Variants in ZIC1 observed in about 807,000 individuals in gnomAD.
The protein encoded by ZIC1 is zinc finger protein ZIC 1.
In ZIC1, 4 loss-of-function variants were observed where a neutral mutation model predicts 30.9. The ratio of observed to expected loss-of-function variants is 0.13; its 90% CI spans 0.06 to 0.30. ZIC1 has a LOEUF of 0.30. ZIC1 is among the 10% of genes least tolerant of loss of function. The probability of loss-of-function intolerance (pLI) is 1.00; values close to 1 mark genes in which losing one functional copy is unlikely to be tolerated. For synonymous variants in ZIC1, 305 were observed against 277.5 expected (o/e 1.10, Z -0.98); for missense variants, 441 against 639.3 (o/e 0.69, Z 3.34).
intron 2 of ZIC1, 48 bp from the exon 3 acceptor site, chr3:147,413,306 G>A (rs2087398734): frequency 1.9e-6 from 3 of 1,578,272 alleles, no homozygotes; most frequent in Non-Finnish European, 2.6e-6. Flanking sequence ...CTAGTCGGCC[G>A]CCGCACTGGC....
rs564890374 is a variant in ZIC1 at position 147,415,764 on chromosome 3, G to A, written c.*2213G>A. The stretch of plus-strand genomic sequence containing the variant: ...CCTTAAGATACATCTATTTTAAAGT[G>A]AAATTAATTTTTCAGTTTATACCAT... On this transcript the variant is annotated 3_prime_UTR_variant, in exon 3 of 3. Transcript: ENST00000282928. The A allele has an allele frequency of 6.6e-6, 1 of 152,282 alleles. No homozygotes were observed. The highest frequency in any genetic ancestry group is 2.4e-5 in the African/African-American group (1 of 41,564). 9.4% of individuals were successfully genotyped at this position (152,282 alleles called of 1,614,324 possible). A position where few individuals can be genotyped will look rare whatever the true frequency, so the allele number is the denominator to read the frequency against.
In ZIC1 at chr3:147,410,439, C is replaced by CGCG. The variant is rs758690127; in HGVS notation, c.336_338dup (p.Ala114dup). On this transcript the variant is annotated inframe_insertion, in exon 1 of 3. Coordinates refer to ENST00000282928, the MANE Select transcript of ZIC1 (RefSeq NM_003412.4). ...TGTTCCGCAACCGGGGTTTTGGCGA[C>CGCG]GCGGCGGCGGCAGCCAGCGCACAGC... 6.9e-6 allele frequency: 11 copies of CGCG among 1,603,390 alleles called. No homozygotes were observed. Among genetic ancestry groups the CGCG allele is most frequent in the East Asian group, 6.7e-5 (3 of 44,846 alleles).
Position 147,409,932 on chromosome 3 carries a change from G to A in ZIC1, c.-181G>A, listed in dbSNP as rs911296892. The A allele has an allele frequency of 6.2e-6, 4 of 647,438 alleles. No individual in the cohort carries two copies. Among genetic ancestry groups the A allele is most frequent in the Non-Finnish European group, 9.6e-6 (4 of 416,142 alleles). 40.1% of individuals were successfully genotyped at this position (647,438 alleles called of 1,614,324 possible). On this transcript the variant is annotated 5_prime_UTR_variant, in exon 1 of 3. Coordinates refer to ENST00000282928, the MANE Select transcript of ZIC1 (RefSeq NM_003412.4). ...TTGCGTTTGGCCCGGCCAGCGCCCG[G>A]GCGCGCCGCGCCATTGCCTGCAGGC...
Position 147,410,051 on chromosome 3 carries a change from C to A in ZIC1, c.-62C>A. On this transcript the variant is annotated 5_prime_UTR_variant, in exon 1 of 3. Transcript: ENST00000282928. ...GTTCCTCCTCCTCCTCCCGATTTTC[C>A]CTCCTCGGCTGGCGAGGGTGGGGGG... The A allele has an allele frequency of 1.4e-6, 2 of 1,417,980 alleles. No individual in the cohort carries two copies. Among genetic ancestry groups the A allele is most frequent in the East Asian group, 2.7e-5 (1 of 36,686 alleles). The allele number at this position is 1,417,980 out of a possible 1,614,324, so 87.8% of individuals were successfully genotyped here.
Position 147,412,630 on chromosome 3 carries a change from G to C in ZIC1, c.1095G>C (p.Lys365Asn). Residue 365 changes from lysine to asparagine, a missense_variant, in exon 2 of 3, where the codon AAG (lysine) becomes AAC (asparagine). This residue lies in a region of ZIC1 where 31 missense variants were observed against 65.2 expected (regional missense o/e 0.48). Transcript: ENST00000282928. ...VHTSDKPYLC[K>N]MCDKSYTHPS... is the part of the protein sequence containing the mutation. Reference sequence around the variant, plus strand: ...CGAGCGACAAGCCCTATCTTTGCAAGATGTGCGACAAGTCCTACACGCATC... The same window carrying C: ...CGAGCGACAAGCCCTATCTTTGCAACATGTGCGACAAGTCCTACACGCATC... 1 of 1,614,232 alleles carries C rather than the reference G, an allele frequency of 6.2e-7. No individual in the cohort carries two copies. The highest frequency in any genetic ancestry group is 8.5e-7 in the Non-Finnish European group (1 of 1,180,048).
chr3:147,412,275 A>T (rs1296919893), intron 1 of ZIC1, among the ~76,000 whole-genome samples: 1 of 152,080 alleles, frequency 6.6e-6, no homozygotes, highest in Admixed American at 6.6e-5. Context: ...CCTACTATTA[A>T]TTTTTTTAAA....
At position 147,411,123 on chromosome 3, in the gene ZIC1, C is replaced by T. The variant is rs751705950; in HGVS notation, c.982+29C>T. ...CGGAAACAGCTGTAGGACCCCTACC[C>T]ATTCCCACTTGGGCCTGGGACCCAA... On this transcript the variant is annotated intron_variant, in intron 1 of 2. Transcript: ENST00000282928. The T allele has an allele frequency of 3.1e-6, 5 of 1,589,964 alleles. No individual in the cohort carries two copies. In the South Asian group the frequency reaches 4.6e-5, roughly 15 times the overall value.
At position 147,413,888 on chromosome 3, in the gene ZIC1, T is replaced by G; in HGVS notation, c.*337T>G. On this transcript the variant is annotated 3_prime_UTR_variant, in exon 3 of 3. Transcript: ENST00000282928. The stretch of plus-strand genomic sequence containing the variant: ...GGTACGGGCTCTCTGGGGCTTCGGC[T>G]TCTTTTTTTCTTTGTTTTCTTGTAA... The G allele has an allele frequency of 5.0e-6, 1 of 199,070 alleles. No individual in the cohort carries two copies. Among genetic ancestry groups the G allele is most frequent in the Non-Finnish European group, 1.0e-5 (1 of 100,022 alleles). 12.3% of individuals were successfully genotyped at this position (199,070 alleles called of 1,614,324 possible). A position where few individuals can be genotyped will look rare whatever the true frequency, so the allele number is the denominator to read the frequency against.
chr3:147,413,294 C>T, intron 2 of ZIC1, 60 bp from the exon 3 acceptor site: 3 of 1,564,242 alleles, frequency 1.9e-6, no homozygotes, highest in Non-Finnish European at 8.7e-7. Context: ...GCCTTCGCCT[C>T]TCTAGTCGGC....
chr3:147,413,660 C>G lies in ZIC1; in HGVS notation c.*109C>G. On this transcript the variant is annotated 3_prime_UTR_variant, in exon 3 of 3. Coordinates refer to ENST00000282928, the MANE Select transcript of ZIC1 (RefSeq NM_003412.4). ...AATCAAAACAACCCCCACACAGACC[C>G]CGCAATCCTTTTTTAAAAAATCTGC... The G allele has an allele frequency of 7.9e-7, 1 of 1,271,916 alleles. No individual in the cohort carries two copies. The highest frequency in any genetic ancestry group is 1.1e-6 in the Non-Finnish European group (1 of 945,430). 78.8% of individuals were successfully genotyped at this position (1,271,916 alleles called of 1,614,324 possible).
Position 147,410,214 on chromosome 3 carries a change from C to G in ZIC1, c.102C>G (p.Gly34=). Residue 34 remains glycine, a synonymous_variant, in exon 1 of 3, where the codon GGC becomes GGG. Coordinates refer to ENST00000282928, the MANE Select transcript of ZIC1 (RefSeq NM_003412.4). ...GCGACGTGGCCGAACGAGACGTGGG[C>G]CTGGGCATCAACCCGTTCGCCGACG... is the stretch of plus-strand genomic sequence containing the variant. ...SAGDVAERDV[G]LGINPFADGM... 1 of 1,601,730 alleles carries G rather than the reference C, an allele frequency of 6.2e-7. No individual in the cohort carries two copies. The highest frequency in any genetic ancestry group is 1.7e-4 in the Middle Eastern group (1 of 6,060).
At chr3:147,411,398 G>A (rs745611242) in intron 1 of ZIC1, among the ~76,000 whole-genome samples, 1 of 152,186 alleles carries the variant, frequency 6.6e-6, no homozygotes, top group Non-Finnish European at 1.5e-5. Flanking sequence ...TTTCGAAGCC[G>A]GAGAAAGTGG....
At position 147,410,361 on chromosome 3, in the gene ZIC1, G is replaced by C. The variant is rs556836873; in HGVS notation, c.249G>C (p.Pro83=). ...CGGCCCTGGGCCATCACCATCACCC[G>C]GGCCACGTCGGCTCCTATTCCAGCG... is the stretch of plus-strand genomic sequence containing the variant. ...AAAALGHHHH[P]GHVGSYSSAA... is the part of the protein sequence containing the mutation. The change falls in exon 1 of 3, where the codon CCG becomes CCC. Residue 83 remains proline, a synonymous_variant. Transcript: ENST00000282928. 25 of 1,601,110 alleles carry C rather than the reference G, an allele frequency of 1.6e-5. No individual in the cohort carries two copies. In the South Asian group the frequency reaches 2.7e-4, roughly 18 times the overall value.
chr3:147,413,506 C>G lies in ZIC1; in HGVS notation c.1299C>G (p.Ala433=), dbSNP rs761987164. ...SPSSSAVHHT[A]GHSALSSNFN... ...CCTCCTCCGCAGTCCACCACACAGCCGGCCACAGTGCGCTCTCTTCCAATT... is the reference window on the plus strand; with the variant it reads ...CCTCCTCCGCAGTCCACCACACAGCGGGCCACAGTGCGCTCTCTTCCAATT... The change falls in exon 3 of 3, where the codon GCC becomes GCG. Residue 433 remains alanine, a synonymous_variant. Coordinates refer to ENST00000282928, the MANE Select transcript of ZIC1 (RefSeq NM_003412.4). 1 of 1,614,132 alleles carries G rather than the reference C, an allele frequency of 6.2e-7. No individual in the cohort carries two copies. The highest frequency in any genetic ancestry group is 1.1e-5 in the South Asian group (1 of 91,078).
chr3:147,412,423 TTTTTG>T (rs1388565055), intron 1 of ZIC1, 90 bp from the exon 2 acceptor site: 3 of 1,496,626 alleles, frequency 2.0e-6, no homozygotes, highest in Non-Finnish European at 2.7e-6. Flanking sequence ...GGCTGCTGGC[TTTTTG>T]TTTTATTTTT....
chr3:147,415,342 T>C lies in ZIC1; in HGVS notation c.*1791T>C, dbSNP rs1375557691. The C allele has an allele frequency of 6.6e-6, 1 of 152,640 alleles. No individual in the cohort carries two copies. Among genetic ancestry groups the C allele is most frequent in the African/African-American group, 2.4e-5 (1 of 41,444 alleles). The allele number at this position is 152,640 out of a possible 1,614,324, so 9.5% of individuals were successfully genotyped here. A position where few individuals can be genotyped will look rare whatever the true frequency, so the allele number is the denominator to read the frequency against. On this transcript the variant is annotated 3_prime_UTR_variant, in exon 3 of 3. Coordinates refer to ENST00000282928, the MANE Select transcript of ZIC1 (RefSeq NM_003412.4). ...AGTAAATTTGTAAATGAGGAGACAATATAAAAAATCTAAATTACTTGTGCT... is the reference window on the plus strand; with the variant it reads ...AGTAAATTTGTAAATGAGGAGACAACATAAAAAATCTAAATTACTTGTGCT...
chr3:147,410,548 C>T lies in ZIC1; in HGVS notation c.436C>T (p.Leu146Phe), dbSNP rs2107992957. 7 of 1,611,004 alleles carry T rather than the reference C, an allele frequency of 4.3e-6. No homozygotes were observed. Among genetic ancestry groups the T allele is most frequent in the South Asian group, 1.1e-5 (1 of 90,910 alleles). ...CGCGGGCCACCTCCTCTTCCCCGGG[C>T]TTCACGAGCAGGCTGCCGGCCACGC... ...DAAGHLLFPG[L>F]HEQAAGHASP... is the part of the protein sequence containing the mutation. The change falls in exon 1 of 3, where the codon CTT (leucine) becomes TTT (phenylalanine). Residue 146 changes from leucine (L) to phenylalanine (F), a missense_variant. Around this residue, in one of 5 missense-constraint regions of ZIC1, gnomAD observed 307 missense variants for 355.3 expected, o/e 0.86. Transcript: ENST00000282928.
rs913255729 is a variant in ZIC1 at position 147,409,899 on chromosome 3, C to A, written c.-214C>A. On this transcript the variant is annotated 5_prime_UTR_variant, in exon 1 of 3. Coordinates refer to ENST00000282928, the MANE Select transcript of ZIC1 (RefSeq NM_003412.4). ...GCGTTACTCGCGGCCCGCAGCCGTC[C>A]GGCTACTTTGCGTTTGGCCCGGCCA... The A allele has an allele frequency of 1.3e-5, 7 of 538,950 alleles. No homozygotes were observed. The highest frequency in any genetic ancestry group is 5.7e-5 in the South Asian group (2 of 35,194). 33.4% of individuals were successfully genotyped at this position (538,950 alleles called of 1,614,324 possible). A position where few individuals can be genotyped will look rare whatever the true frequency, so the allele number is the denominator to read the frequency against.
chr3:147,409,885 G>T lies in ZIC1; in HGVS notation c.-228G>T, dbSNP rs1051194607. 7.8e-6 allele frequency: 4 copies of T among 515,666 alleles called. No homozygotes were observed. The highest frequency in any genetic ancestry group is 1.3e-5 in the Non-Finnish European group (4 of 299,768). 31.9% of individuals were successfully genotyped at this position (515,666 alleles called of 1,614,324 possible). ...GGGCGCTGGAGCCTGCGTTACTCGC[G>T]GCCCGCAGCCGTCCGGCTACTTTGC... is the stretch of plus-strand genomic sequence containing the variant. On this transcript the variant is annotated 5_prime_UTR_variant, in exon 1 of 3. Coordinates refer to ENST00000282928, the MANE Select transcript of ZIC1 (RefSeq NM_003412.4).
Sources: allele counts gnomAD v4.1 joint callset (sites outside exome capture counted in the v4.1 genomes callset), GRCh38; gene constraint gnomAD v4.1.1; regional missense constraint gnomAD v4.1.1; transcripts MANE v1.5; gene names NCBI Gene and HGNC (gene_info 2026-07-23, HGNC 2026-07-21).